The following DAP variants were observed in gnomAD, a reference collection of about 807,000 sequenced individuals.
The protein encoded by DAP is death associated protein, also known as death-associated protein 1.
A neutral mutation model predicts 13.8 loss-of-function variants in DAP; 8 were observed. The observed-to-expected ratio is 0.58, with a 90% CI of 0.34 to 1.05. The LOEUF (loss-of-function observed/expected upper bound fraction) is 1.05. Among genes scored for constraint, DAP ranks in the 50% least tolerant of loss-of-function variants. The pLI is 0.03. For synonymous variants in DAP, 47 were observed against 47.5 expected (o/e 0.99, Z 0.04); for missense variants, 106 against 133.2 (o/e 0.80, Z 1.01).
chr5:10,695,917 T>C (rs181248681), intron 2 of DAP, among the ~76,000 whole-genome samples: 157 of 152,188 alleles, frequency 1.0e-3, no homozygotes, highest in South Asian at 8.3e-4. Context: ...TCTGAGTGTG[T>C]TGGGTGAATA....
At chr5:10,759,828 C>T (rs1228388393) in intron 1 of DAP, among the ~76,000 whole-genome samples, 1 of 143,478 alleles carries the variant, frequency 7.0e-6, no homozygotes, top group South Asian at 2.2e-4. Flanking sequence ...AATCTTGGCT[C>T]ACTACAACTT....
chr5:10,681,309 C>T, intron 3 of DAP, 140 bp from the exon 4 acceptor site: 2 of 670,408 alleles, frequency 3.0e-6, no homozygotes, highest in Non-Finnish European at 2.4e-6. Flanking sequence ...CCAGCATCCA[C>T]CAGCGTCCCT....
intron 2 of DAP, among the ~76,000 whole-genome samples, chr5:10,723,492 C>G (rs958262057): frequency 6.6e-6 from 1 of 152,138 alleles, no homozygotes; most frequent in African/African-American, 2.4e-5. Context: ...GTCATCCAAG[C>G]AAAACTACTC....
chr5:10,723,153 C>T (rs923479833), intron 2 of DAP, among the ~76,000 whole-genome samples: 5 of 152,042 alleles, frequency 3.3e-5, no homozygotes, highest in African/African-American at 9.7e-5. Context: ...GAGTAAGCAA[C>T]TAAAAAAGAA....
At position 10,761,195 on chromosome 5, in the gene DAP, G is replaced by C. The variant is rs1740349814; in HGVS notation, c.-127C>G. 3 of 384,326 alleles carry C rather than the reference G, an allele frequency of 7.8e-6. No homozygotes were observed. In the South Asian group the frequency reaches 3.3e-4, roughly 43 times the overall value. 23.8% of individuals were successfully genotyped at this position (384,326 alleles called of 1,614,324 possible). ...CGGGAGAACGACGCGCGCGCGTGGG[G>C]CGCCGGGGCCGCGCGAGCCGGGTGA... On this transcript the variant is annotated 5_prime_UTR_variant, in exon 1 of 4. Transcript: ENST00000230895.
chr5:10,686,829 C>T (rs1738168688), intron 2 of DAP, among the ~76,000 whole-genome samples: 1 of 152,222 alleles, frequency 6.6e-6, no homozygotes, highest in Admixed American at 6.5e-5. Flanking sequence ...CCACACTAAA[C>T]AACAGATTTT....
At chr5:10,724,069 G>T (rs1281051279) in intron 2 of DAP, among the ~76,000 whole-genome samples, 3 of 152,166 alleles carry the variant, frequency 2.0e-5, no homozygotes, top group Admixed American at 2.0e-4. Flanking sequence ...CCATTTCCTT[G>T]TGCTACCCTC....
At chr5:10,683,444 G>A (rs1310535726) in intron 3 of DAP, 85 bp downstream of exon 3, 3 of 1,260,354 alleles carry the variant, frequency 2.4e-6, no homozygotes, top group Admixed American at 1.7e-5. Flanking sequence ...ATTCCAGGTA[G>A]AGTTTAACAA....
At chr5:10,755,249 C>T (rs978101194) in intron 1 of DAP, among the ~76,000 whole-genome samples, 1 of 152,184 alleles carries the variant, frequency 6.6e-6, no homozygotes, top group Non-Finnish European at 1.5e-5. Context: ...GGAAAGTGGG[C>T]AGCCTCTAGA....
intron 2 of DAP, among the ~76,000 whole-genome samples, chr5:10,742,274 C>T (rs1031476480): frequency 2.0e-5 from 3 of 152,118 alleles, no homozygotes; most frequent in African/African-American, 7.2e-5. Flanking sequence ...GTGGCTCATG[C>T]CTGTAATCCC....
intron 1 of DAP, among the ~76,000 whole-genome samples, chr5:10,756,065 T>C (rs1740174407): frequency 7.0e-6 from 1 of 143,070 alleles, no homozygotes; most frequent in Admixed American, 6.9e-5. Context: ...AGAAGATCTC[T>C]TGAGCCCAGG....
chr5:10,718,744 G>C (rs1419405100), intron 2 of DAP, among the ~76,000 whole-genome samples: 1 of 152,212 alleles, frequency 6.6e-6, no homozygotes, highest in Non-Finnish European at 1.5e-5. Flanking sequence ...TGCAGCCATT[G>C]ACTTGGCAAA....
At chr5:10,749,743 C>CT (rs34643253) in intron 1 of DAP, among the ~76,000 whole-genome samples, 58,989 of 118,598 alleles carry the variant, frequency 0.5, 16,599 homozygotes, top group Non-Finnish European at 0.63. Context: ...GACCACACAA[C>CT]TTTTTTTTTT....
chr5:10,759,065 T>C (rs1740271047), intron 1 of DAP, among the ~76,000 whole-genome samples: 1 of 151,944 alleles, frequency 6.6e-6, no homozygotes, highest in Non-Finnish European at 1.5e-5. Context: ...CAGGCACCTG[T>C]AAACCCAGCT....
intron 2 of DAP, among the ~76,000 whole-genome samples, chr5:10,712,994 A>G (rs1738890081): frequency 6.6e-6 from 1 of 152,174 alleles, no homozygotes; most frequent in South Asian, 2.1e-4. Flanking sequence ...TCCATACGAC[A>G]CATGTACCCA....
At chr5:10,757,179 G>A (rs371244838) in intron 1 of DAP, among the ~76,000 whole-genome samples, 1 of 152,186 alleles carries the variant, frequency 6.6e-6, no homozygotes, top group East Asian at 1.9e-4. Context: ...GTCGTCTGTC[G>A]GGCTGCTGAA....
At chr5:10,712,926 A>T (rs559992567) in intron 2 of DAP, among the ~76,000 whole-genome samples, 4 of 152,096 alleles carry the variant, frequency 2.6e-5, no homozygotes, top group Non-Finnish European at 5.9e-5. Flanking sequence ...CTCCTATTGA[A>T]GTGGGGGAGG....
At chr5:10,737,089 TA>T (rs1739629710) in intron 2 of DAP, among the ~76,000 whole-genome samples, 1 of 152,188 alleles carries the variant, frequency 6.6e-6, no homozygotes, top group African/African-American at 2.4e-5. Flanking sequence ...CTCACGCCTG[TA>T]ATCCCAACAC....
intron 2 of DAP, among the ~76,000 whole-genome samples, chr5:10,744,455 T>C (rs1206030205): frequency 6.6e-6 from 1 of 152,218 alleles, no homozygotes; most frequent in Non-Finnish European, 1.5e-5. Flanking sequence ...AAGTGATAAT[T>C]AGACCACCTA....
Sources: gnomAD v4.1 joint callset for allele counts (sites outside exome capture counted in the v4.1 genomes callset) on GRCh38, gnomAD v4.1.1 for gene constraint, MANE v1.5 for transcripts, NCBI Gene and HGNC (gene_info 2026-07-23, HGNC 2026-07-21) for gene names.